Variants in ANKS1B observed in about 807,000 individuals in gnomAD.
ANKS1B encodes ankyrin repeat and sterile alpha motif domain containing 1B.
ANKS1B carries 36 observed loss-of-function variants against 148.3 expected under a neutral mutation model. The observed-to-expected ratio is 0.24, with a 90% confidence interval of 0.19 to 0.32. The LOEUF is 0.32. Among genes scored for constraint, ANKS1B ranks in the 10% least tolerant of loss-of-function variants. The probability of loss-of-function intolerance (pLI) is 1.00; values close to 1 mark genes in which losing one functional copy is unlikely to be tolerated. For synonymous variants in ANKS1B, 542 were observed against 560.8 expected (o/e 0.97, Z 0.47); for missense variants, 1,157 against 1,542.6 (o/e 0.75, Z 4.19).
chr12:98,828,560 T>C (rs933225116), intron 19 of ANKS1B, among the ~76,000 whole-genome samples: 1 of 152,238 alleles, frequency 6.6e-6, no homozygotes. Context: ...ACTGTTCGGT[T>C]AAGGCTGACT....
At chr12:99,148,826 C>T (rs1050865083) in intron 15 of ANKS1B, among the ~76,000 whole-genome samples, 8 of 151,982 alleles carry the variant, frequency 5.3e-5, no homozygotes, top group East Asian at 1.9e-4. Flanking sequence ...ATTTAAATGC[C>T]GGCAGTTGAA....
At chr12:98,771,806 G>A (rs1593223587) in intron 25 of ANKS1B, among the ~76,000 whole-genome samples, 2 of 152,082 alleles carry the variant, frequency 1.3e-5, no homozygotes, top group African/African-American at 4.8e-5. Context: ...GAGCATATGG[G>A]CCAAATCTTG....
chr12:99,292,341 AAAAT>A (rs1326470804), intron 12 of ANKS1B, among the ~76,000 whole-genome samples: 1 of 149,970 alleles, frequency 6.7e-6, no homozygotes, highest in Non-Finnish European at 1.5e-5. Flanking sequence ...AATAAAAATA[AAAAT>A]AAAAATAAAA....
intron 12 of ANKS1B, among the ~76,000 whole-genome samples, chr12:99,352,641 A>G (rs537344144): frequency 6.6e-6 from 1 of 152,176 alleles, no homozygotes; most frequent in East Asian, 1.9e-4. Flanking sequence ...AGAAATTAAT[A>G]TATCTTGAGA....
chr12:98,747,456 G>A (rs1277217224), intron 26 of ANKS1B, among the ~76,000 whole-genome samples: 2 of 152,088 alleles, frequency 1.3e-5, no homozygotes, highest in East Asian at 1.9e-4. Flanking sequence ...AAAAACTAAT[G>A]GATGCTGATG....
At chr12:99,761,009 C>T (rs1001718312) in intron 8 of ANKS1B, among the ~76,000 whole-genome samples, 1 of 127,654 alleles carries the variant, frequency 7.8e-6, no homozygotes, top group African/African-American at 3.0e-5. Context: ...CATTGAAACC[C>T]TGAATAGACC....
intron 14 of ANKS1B, among the ~76,000 whole-genome samples, chr12:99,177,332 T>C (rs1193345382): frequency 1.3e-5 from 2 of 152,166 alleles, no homozygotes; most frequent in Non-Finnish European, 2.9e-5. Context: ...TTGAGGAAAA[T>C]TGCATGACAT....
chr12:99,291,165 A>G (rs1325970841), intron 12 of ANKS1B, among the ~76,000 whole-genome samples: 1 of 152,182 alleles, frequency 6.6e-6, no homozygotes, highest in East Asian at 1.9e-4. Context: ...AATACTTAGG[A>G]ATAGACTTAA....
At chr12:99,781,837 C>T (rs1364999231) in intron 5 of ANKS1B, among the ~76,000 whole-genome samples, 185 bp downstream of exon 5, 3 of 152,102 alleles carry the variant, frequency 2.0e-5, no homozygotes, top group Non-Finnish European at 2.9e-5. Context: ...AAAGAAGTTG[C>T]ACATTGATAT....
intron 12 of ANKS1B, among the ~76,000 whole-genome samples, chr12:99,346,397 A>ACT (rs916189612): frequency 1.0e-3 from 149 of 149,150 alleles, no homozygotes; most frequent in African/African-American, 3.3e-3. Flanking sequence ...ACACACACAC[A>ACT]CTCTCTCTCT....
At chr12:99,640,098 G>A (rs1241197708) in intron 9 of ANKS1B, among the ~76,000 whole-genome samples, 2 of 152,108 alleles carry the variant, frequency 1.3e-5, no homozygotes, top group East Asian at 3.8e-4. Context: ...CTTGAACCCG[G>A]GAGGCAGAGG....
At chr12:99,926,205 C>T (rs1023441337) in intron 1 of ANKS1B, among the ~76,000 whole-genome samples, 8 of 152,204 alleles carry the variant, frequency 5.3e-5, no homozygotes, top group Non-Finnish European at 8.8e-5. Flanking sequence ...GTAACTTTAA[C>T]TTGCTTATAT....
intron 9 of ANKS1B, among the ~76,000 whole-genome samples, chr12:99,547,977 T>C (rs1312341784): frequency 2.6e-5 from 4 of 152,176 alleles, no homozygotes; most frequent in African/African-American, 9.7e-5. Context: ...TGCTGTCTTA[T>C]ATGGCAATAA....
intron 14 of ANKS1B, among the ~76,000 whole-genome samples, chr12:99,174,580 T>C (rs2153837159): frequency 6.6e-6 from 1 of 152,256 alleles, no homozygotes; most frequent in Non-Finnish European, 1.5e-5. Flanking sequence ...GGGCATAAGA[T>C]TGCAAAGACT....
intron 8 of ANKS1B, among the ~76,000 whole-genome samples, chr12:99,763,764 A>C (rs1420941863): frequency 6.6e-6 from 1 of 152,214 alleles, no homozygotes; most frequent in Admixed American, 6.5e-5. Flanking sequence ...GAATTCAAAA[A>C]TTAATAATGT....
At chr12:99,661,690 A>G (rs2098478247) in intron 8 of ANKS1B, among the ~76,000 whole-genome samples, 2 of 152,174 alleles carry the variant, frequency 1.3e-5, no homozygotes, top group South Asian at 4.1e-4. Flanking sequence ...CCCAATATAC[A>G]GTCCCCCCTC....
intron 14 of ANKS1B, among the ~76,000 whole-genome samples, chr12:99,189,997 G>C (rs2080429002): frequency 6.6e-6 from 1 of 152,108 alleles, no homozygotes; most frequent in African/African-American, 2.4e-5. Flanking sequence ...CAAAGTCTCA[G>C]GATACAAAAT....
At chr12:99,366,145 C>T (rs1300201085) in intron 12 of ANKS1B, among the ~76,000 whole-genome samples, 3 of 152,208 alleles carry the variant, frequency 2.0e-5, no homozygotes, top group Non-Finnish European at 2.9e-5. Flanking sequence ...TGGGCTTGAA[C>T]AGCCATTTAG....
At chr12:98,876,154 G>A (rs2099689027) in intron 17 of ANKS1B, among the ~76,000 whole-genome samples, 1 of 152,160 alleles carries the variant, frequency 6.6e-6, no homozygotes, top group Non-Finnish European at 1.5e-5. Flanking sequence ...ATTGCTAGGA[G>A]GCTGATGTCT....
Sources: gnomAD v4.1 joint callset for allele counts (sites outside exome capture counted in the v4.1 genomes callset) on GRCh38, gnomAD v4.1.1 for gene constraint, MANE v1.5 for transcripts, NCBI Gene and HGNC (gene_info 2026-07-23, HGNC 2026-07-21) for gene names.